Variants in PARVA observed in about 807,000 individuals in gnomAD.
PARVA encodes the protein parvin alpha, also known as alpha-parvin.
A neutral mutation model predicts 52.6 loss-of-function variants in PARVA; 25 were observed. The ratio of observed to expected loss-of-function variants is 0.48; its 90% confidence interval spans 0.35 to 0.66. The LOEUF (loss-of-function observed/expected upper bound fraction) is 0.66, where lower values mean the gene tolerates loss of function less well. Ranked by LOEUF, PARVA falls within the 30% of genes least tolerant of loss-of-function variation. The pLI is 0.01. For synonymous variants in PARVA, 185 were observed against 179.1 expected, an observed-to-expected ratio of 1.03 and a Z score of -0.26; for missense variants, 373 against 450.9, an observed-to-expected ratio of 0.83 and a Z score of 1.56.
At chr11:12,484,549 G>GTGTGTGTGT (rs1564859308) in intron 4 of PARVA, among the ~76,000 whole-genome samples, 2 of 130,304 alleles carry the variant, frequency 1.5e-5, no homozygotes, top group African/African-American at 2.7e-5. Flanking sequence ...GTGTGTGTGT[G>GTGTGTGTGT]GTTTTCTTTT....
At chr11:12,451,450 T>A (rs1940622844) in intron 1 of PARVA, among the ~76,000 whole-genome samples, 1 of 152,038 alleles carries the variant, frequency 6.6e-6, no homozygotes, top group Non-Finnish European at 1.5e-5. Flanking sequence ...AGAGATGCTT[T>A]TTTTTTTTTC....
Position 12,377,653 on chromosome 11 carries a change from C to A in PARVA, c.6C>A (p.Ala2=). M[A]TSPQKSPSVP... is the part of the protein sequence containing the mutation. The stretch of plus-strand genomic sequence containing the variant: ...GCGGCAGCCTGCGCCGCGCCATGGC[C>A]ACCTCCCCGCAGAAGTCGCCTTCTG... Residue 2 remains alanine, a synonymous_variant, in exon 1 of 13, where the codon GCC becomes GCA. Transcript: ENST00000334956. The A allele has an allele frequency of 6.4e-7, 1 of 1,569,330 alleles. No individual in the cohort carries two copies. Among genetic ancestry groups the A allele is most frequent in the Admixed American group, 1.9e-5 (1 of 52,322 alleles).
At chr11:12,460,260 A>G (rs79353662) in intron 1 of PARVA, among the ~76,000 whole-genome samples, 1,558 of 152,226 alleles carry the variant, frequency 0.01, 32 homozygotes, top group African/African-American at 0.036. Context: ...AGGATGTGAG[A>G]GCTCTGCAGC....
chr11:12,381,562 C>T (rs994358882), intron 1 of PARVA, among the ~76,000 whole-genome samples: 1 of 152,176 alleles, frequency 6.6e-6, no homozygotes, highest in Admixed American at 6.5e-5. Context: ...ACCCCCTGTA[C>T]AGTCAAAAAT....
At chr11:12,412,506 GAGGA>G (rs960621860) in intron 1 of PARVA, among the ~76,000 whole-genome samples, 6 of 152,334 alleles carry the variant, frequency 3.9e-5, no homozygotes, top group African/African-American at 1.4e-4. Flanking sequence ...CCCAGGCCGA[GAGGA>G]AGGCTCAGTG....
intron 1 of PARVA, among the ~76,000 whole-genome samples, chr11:12,436,287 A>T (rs1940387213): frequency 6.6e-6 from 1 of 152,200 alleles, no homozygotes; most frequent in Non-Finnish European, 1.5e-5. Context: ...CTCACCAAAA[A>T]TTTTTTATTA....
At chr11:12,460,699 T>A (rs1294873689) in intron 1 of PARVA, among the ~76,000 whole-genome samples, 1 of 152,250 alleles carries the variant, frequency 6.6e-6, no homozygotes, top group Non-Finnish European at 1.5e-5. Flanking sequence ...GATGTGGCAC[T>A]TTTTAAGCAG....
At chr11:12,398,359 G>A (rs1360510696) in intron 1 of PARVA, 1 of 151,710 alleles carries the variant, frequency 6.6e-6, no homozygotes, top group East Asian at 2.0e-4. Context: ...ACCAGGTGAG[G>A]GCCCTGGCTG....
At chr11:12,399,153 T>A (rs1359030989) in intron 1 of PARVA, among the ~76,000 whole-genome samples, 1 of 152,242 alleles carries the variant, frequency 6.6e-6, no homozygotes, top group Non-Finnish European at 1.5e-5. Context: ...TCAGTATATA[T>A]TACATTTCTA....
chr11:12,475,758 G>GCCATGCAGCCCCGGCTAGGCCA (rs147736935), intron 3 of PARVA, among the ~76,000 whole-genome samples: 3,843 of 152,286 alleles, frequency 0.025, 109 homozygotes, highest in East Asian at 0.13. Flanking sequence ...TGGCTAGGCC[G>GCCATGCAGCCCCGGCTAGGCCA]CCATGCAGCC....
Position 12,534,825 on chromosome 11 carries a change from C to T in PARVA, c.*6900C>T, listed in dbSNP as rs2135101579. ...TGCCTGGAGAAACACAGTGCCTGCC[C>T]TTGGCAAATATATGTTGGTGTATCT... On this transcript the variant is annotated 3_prime_UTR_variant, in exon 13 of 13. Coordinates refer to ENST00000334956, the MANE Select transcript of PARVA (RefSeq NM_018222.5). Among the ~76,000 whole-genome samples the T allele has an allele frequency of 6.6e-6, 1 of 152,346 alleles. No individual in the cohort carries two copies. Among genetic ancestry groups the T allele is most frequent in the Admixed American group, 6.5e-5 (1 of 15,302 alleles).
intron 12 of PARVA, among the ~76,000 whole-genome samples, chr11:12,521,600 T>C (rs1201553780): frequency 1.3e-5 from 2 of 152,182 alleles, no homozygotes; most frequent in East Asian, 3.9e-4. Flanking sequence ...TCGGTACCTG[T>C]TCATGTGTTA....
Position 12,530,738 on chromosome 11 carries a change from A to G in PARVA, c.*2813A>G, listed in dbSNP as rs1941762546. 1 of 145,242 alleles carries G rather than the reference A, an allele frequency of 6.9e-6. No homozygotes were observed. Among genetic ancestry groups the G allele is most frequent in the African/African-American group, 2.5e-5 (1 of 39,860 alleles). The allele number at this position is 145,242 out of a possible 1,614,324, so 9.0% of individuals were successfully genotyped here. Reference sequence around the variant, plus strand: ...ACTTTGTTTTTTATCACTTAATGTTATATCTTGGATATTGTATTACCCTGG... The same window carrying G: ...ACTTTGTTTTTTATCACTTAATGTTGTATCTTGGATATTGTATTACCCTGG... On this transcript the variant is annotated 3_prime_UTR_variant, in exon 13 of 13. Transcript: ENST00000334956.
intron 5 of PARVA, among the ~76,000 whole-genome samples, chr11:12,497,236 T>C (rs1221931687): frequency 1.3e-5 from 2 of 152,018 alleles, no homozygotes; most frequent in Non-Finnish European, 1.5e-5. Flanking sequence ...ACTTAATGAG[T>C]CCCTATCAGA....
At chr11:12,504,554 G>C in intron 6 of PARVA, 125 bp downstream of exon 6, 1 of 657,038 alleles carries the variant, frequency 1.5e-6, no homozygotes, top group Non-Finnish European at 2.8e-6. Context: ...TGGGTGTGCA[G>C]TATATTGGGA....
Position 12,493,622 on chromosome 11 carries a change from A to AG in PARVA, c.401-2836_401-2835insG, listed in dbSNP as rs991239991. On this transcript the variant is annotated intron_variant, in intron 4 of 12. Coordinates refer to ENST00000334956, the MANE Select transcript of PARVA (RefSeq NM_018222.5). ...AGAAATACCAGACGCTAAAAAAAAA[A>AG]AGGAAAAAAATTAATTTTAGGAAGA... Among the ~76,000 whole-genome samples the AG allele has an allele frequency of 1.9e-3, 296 of 151,948 alleles. 5 individuals are homozygous for AG. Among genetic ancestry groups the AG allele is most frequent in the Non-Finnish European group, 9.4e-4 (64 of 67,932 alleles).
chr11:12,509,853 C>T (rs80349582), intron 7 of PARVA, among the ~76,000 whole-genome samples: 16,598 of 152,104 alleles, frequency 0.11, 924 homozygotes, highest in Middle Eastern at 0.12. Context: ...AAGGAGAATT[C>T]CTCACTGTCC....
chr11:12,408,707 G>C (rs942943240), intron 1 of PARVA, among the ~76,000 whole-genome samples: 3 of 152,156 alleles, frequency 2.0e-5, no homozygotes, highest in African/African-American at 7.2e-5. Context: ...TATGTTAGGG[G>C]TTGGAGGATA....
At chr11:12,477,737 T>A (rs1273828120) in intron 3 of PARVA, 110 bp from the exon 4 acceptor site, 5 of 673,126 alleles carry the variant, frequency 7.4e-6, no homozygotes, top group Non-Finnish European at 1.3e-5. Flanking sequence ...AAACTTAAAA[T>A]CTAAAGTTAA....
Sources: allele counts gnomAD v4.1 joint callset (sites outside exome capture counted in the v4.1 genomes callset), GRCh38; gene constraint gnomAD v4.1.1; transcripts MANE v1.5; gene names NCBI Gene and HGNC (gene_info 2026-07-23, HGNC 2026-07-21).